Variants in KAT2B observed in about 807,000 individuals in gnomAD.
KAT2B encodes the protein lysine acetyltransferase 2B.
A neutral mutation model predicts 105.9 loss-of-function variants in KAT2B; 36 were observed. The ratio of observed to expected loss-of-function variants is 0.34; its 90% CI spans 0.26 to 0.45. The LOEUF (loss-of-function observed/expected upper bound fraction) is 0.45, where lower values mean the gene tolerates loss of function less well. KAT2B is among the 20% of genes least tolerant of loss of function. The pLI is 1.00. For synonymous variants in KAT2B, 397 were observed against 377.9 expected (o/e 1.05, Z -0.59); for missense variants, 820 against 1,021.6 (o/e 0.80, Z 2.69).
At chr3:20,131,484 T>C (rs535849652) in intron 11 of KAT2B, among the ~76,000 whole-genome samples, 3 of 152,316 alleles carry the variant, frequency 2.0e-5, no homozygotes, top group Non-Finnish European at 4.4e-5. Flanking sequence ...TTCTTCAATA[T>C]GGAGTAAAAC....
At chr3:20,090,860 C>T (rs1044751304) in intron 2 of KAT2B, among the ~76,000 whole-genome samples, 70 of 152,100 alleles carry the variant, frequency 4.6e-4, no homozygotes, top group Admixed American at 4.4e-3. Context: ...CAACCTCAGC[C>T]TCCTGAGTAG....
At position 20,075,991 on chromosome 3, in the gene KAT2B, G is replaced by A. The variant is rs148013157; in HGVS notation, c.430+3532G>A. Among the ~76,000 whole-genome samples, 1,061 of 152,186 alleles carry A rather than the reference G, an allele frequency of 7.0e-3. 13 individuals carry two copies. The highest frequency in any genetic ancestry group is 0.023 in the African/African-American group (973 of 41,524). On this transcript the variant is annotated intron_variant, in intron 2 of 17. Transcript: ENST00000263754. ...CCTTTCTTGTAGATTGATGGGTGGG[G>A]TTGAAGGTTCCAATCCTTTAATCTT...
At chr3:20,096,977 G>A (rs1165744983) in intron 3 of KAT2B, among the ~76,000 whole-genome samples, 2 of 151,964 alleles carry the variant, frequency 1.3e-5, no homozygotes, top group Non-Finnish European at 2.9e-5. Context: ...GAGAGAAAGA[G>A]AGTGGGGGAA....
At chr3:20,092,380 C>T (rs896279458) in intron 2 of KAT2B, among the ~76,000 whole-genome samples, 9 of 151,596 alleles carry the variant, frequency 5.9e-5, no homozygotes, top group Admixed American at 3.9e-4. Context: ...AAGCATGTGC[C>T]GCCACATCCA....
In KAT2B at chr3:20,134,250, C is replaced by G. The variant is rs78008890; in HGVS notation, c.1750-2692C>G. Among the ~76,000 whole-genome samples, 367 of 152,252 alleles carry G rather than the reference C, an allele frequency of 2.4e-3. 14 individuals carry two copies. In the East Asian group the frequency reaches 0.061, roughly 25 times the overall value. ...TTTTGTAAAGGTTTATTTTACCTTA[C>G]ATTTAGATTTCTAATCCATTTCCTT... On this transcript the variant is annotated intron_variant, in intron 11 of 17. Coordinates refer to ENST00000263754, the MANE Select transcript of KAT2B (RefSeq NM_003884.5).
intron 5 of KAT2B, among the ~76,000 whole-genome samples, chr3:20,106,979 G>GTATATATATA (rs869172127): frequency 4.5e-4 from 15 of 33,500 alleles, no homozygotes; most frequent in Admixed American, 1.2e-3. Flanking sequence ...ATATATATAT[G>GTATATATATA]TATATATATA....
At chr3:20,041,549 C>T (rs896658726) in intron 1 of KAT2B, among the ~76,000 whole-genome samples, 5 of 152,194 alleles carry the variant, frequency 3.3e-5, no homozygotes, top group Non-Finnish European at 5.9e-5. Flanking sequence ...GTTTAGGCAC[C>T]CTGTCACCTC....
At chr3:20,131,706 C>A (rs1486775012) in intron 11 of KAT2B, among the ~76,000 whole-genome samples, 12 of 152,098 alleles carry the variant, frequency 7.9e-5, no homozygotes, top group Middle Eastern at 3.4e-3. Flanking sequence ...TAGTTGGGAT[C>A]ACAGATGTGC....
Position 20,146,367 on chromosome 3 carries a change from C to T in KAT2B, c.2056C>T (p.Pro686Ser), listed in dbSNP as rs1304701689. 2 of 1,613,356 alleles carry T rather than the reference C, an allele frequency of 1.2e-6. No individual in the cohort carries two copies. Among genetic ancestry groups the T allele is most frequent in the South Asian group, 1.1e-5 (1 of 91,038 alleles). The change falls in exon 14 of 18, where the codon CCT (proline) becomes TCT (serine). Residue 686 changes from proline (P) to serine (S), a missense_variant. Around this residue, in one of 6 missense-constraint regions of KAT2B, gnomAD observed 227 missense variants for 292.9 expected, o/e 0.77. Coordinates refer to ENST00000263754, the MANE Select transcript of KAT2B (RefSeq NM_003884.5). ...RKQAQIRKVY[P>S]GLSCFKDGVR... ...ACAGGCACAAATTCGAAAAGTTTAC[C>T]CTGGACTTTCATGTTTTAAAGATGG...
rs144234568 is a variant in KAT2B, at chr3:20,128,501, T to G, written c.1749+952T>G. Among the ~76,000 whole-genome samples the G allele has an allele frequency of 2.9e-3, 438 of 151,780 alleles. 4 individuals carry two copies. Among genetic ancestry groups the G allele is most frequent in the South Asian group, 6.7e-3 (32 of 4,810 alleles). The stretch of plus-strand genomic sequence containing the variant: ...GTGTCTTTTTGTTTTGTTTTGTTTT[T>G]TTTTGTTGCTAATTTATCTTCCCAG... On this transcript the variant is annotated intron_variant, in intron 11 of 17. Coordinates refer to ENST00000263754, the MANE Select transcript of KAT2B (RefSeq NM_003884.5).
chr3:20,045,941 G>A lies in KAT2B; in HGVS notation c.303+5161G>A, dbSNP rs116230856. ...TAGGGGAGACGCTGTTAACTTGAAA[G>A]TCAAGTAAGAGCAACAGACTCAGTC... is the stretch of plus-strand genomic sequence containing the variant. On this transcript the variant is annotated intron_variant, in intron 1 of 17. Transcript: ENST00000263754. Among the ~76,000 whole-genome samples the A allele has an allele frequency of 5.3e-3, 811 of 152,318 alleles. 9 individuals are homozygous for A. Among genetic ancestry groups the A allele is most frequent in the African/African-American group, 0.018 (760 of 41,576 alleles).
chr3:20,041,111 G>A (rs908627528), intron 1 of KAT2B, among the ~76,000 whole-genome samples: 2 of 152,108 alleles, frequency 1.3e-5, no homozygotes, highest in Non-Finnish European at 2.9e-5. Context: ...TCCCGGGAGT[G>A]GAGCGGTGCT....
chr3:20,147,485 G>T (rs1044687979), intron 14 of KAT2B, among the ~76,000 whole-genome samples: 4 of 152,060 alleles, frequency 2.6e-5, no homozygotes, highest in Non-Finnish European at 5.9e-5. Flanking sequence ...TTTAAGGAAA[G>T]AACAGGAAAT....
chr3:20,102,822 T>G (rs1698933184), intron 5 of KAT2B, among the ~76,000 whole-genome samples: 1 of 152,226 alleles, frequency 6.6e-6, no homozygotes. Flanking sequence ...ATTAGGGAGC[T>G]TTAGTGCCTA....
intron 5 of KAT2B, among the ~76,000 whole-genome samples, chr3:20,106,385 T>C (rs958657740): frequency 1.3e-5 from 2 of 152,184 alleles, no homozygotes; most frequent in Non-Finnish European, 2.9e-5. Flanking sequence ...CTTCTTTCTG[T>C]CTCACTGTGT....
At chr3:20,078,212 G>C (rs1206357893) in intron 2 of KAT2B, among the ~76,000 whole-genome samples, 2 of 150,664 alleles carry the variant, frequency 1.3e-5, no homozygotes, top group Admixed American at 1.3e-4. Context: ...AAATAAAAAG[G>C]CAGCCTGTTT....
intron 7 of KAT2B, among the ~76,000 whole-genome samples, chr3:20,116,705 A>G (rs947276698): frequency 6.6e-6 from 1 of 152,092 alleles, no homozygotes; most frequent in African/African-American, 2.4e-5. Context: ...ACAATAATTG[A>G]TACATTTATT....
chr3:20,109,761 G>C (rs1699087071), intron 5 of KAT2B, among the ~76,000 whole-genome samples: 1 of 152,066 alleles, frequency 6.6e-6, no homozygotes, highest in Non-Finnish European at 1.5e-5. Context: ...CTGCTACCAA[G>C]ATCACTGTTT....
intron 6 of KAT2B, among the ~76,000 whole-genome samples, chr3:20,113,425 T>C (rs138561084): frequency 6.2e-4 from 94 of 152,334 alleles, no homozygotes; most frequent in African/African-American, 2.1e-3. Flanking sequence ...CCATAACAAA[T>C]TCATTTTGCT....
Sources: allele counts gnomAD v4.1 joint callset (sites outside exome capture counted in the v4.1 genomes callset), GRCh38; gene constraint gnomAD v4.1.1; regional missense constraint gnomAD v4.1.1; transcripts MANE v1.5; gene names NCBI Gene and HGNC (gene_info 2026-07-23, HGNC 2026-07-21).